CTNNA2: variants seen among roughly 807,000 people sequenced by gnomAD.
The protein encoded by CTNNA2 is catenin alpha 2, also known as catenin alpha-2.
CTNNA2 carries 42 observed loss-of-function variants against 101.0 expected under a neutral mutation model. That is an observed-to-expected ratio of 0.42 (90% confidence interval 0.32 to 0.54). The LOEUF is 0.54. Among genes scored for constraint, CTNNA2 ranks in the 20% least tolerant of loss-of-function variants. CTNNA2 has a pLI of 0.14. For missense variants in CTNNA2, 871 were observed against 1,223.1 expected (o/e 0.71, Z 4.29); for synonymous variants, 450 against 456.4 (o/e 0.99, Z 0.18).
chr2:80,383,857 C>T (rs555336583), intron 7 of CTNNA2, among the ~76,000 whole-genome samples: 1 of 152,194 alleles, frequency 6.6e-6, no homozygotes, highest in African/African-American at 2.4e-5. Context: ...ACCATAAAGA[C>T]ACACGTACTA....
chr2:80,619,852 G>A (rs963168638), intron 18 of CTNNA2, among the ~76,000 whole-genome samples: 1 of 151,844 alleles, frequency 6.6e-6, no homozygotes, highest in South Asian at 2.1e-4. Flanking sequence ...GTTGTTGCAC[G>A]TCCTAACCCT....
chr2:79,982,231 T>TAAC (rs1558697466), intron 7 of CTNNA2, among the ~76,000 whole-genome samples: 972 of 63,452 alleles, frequency 0.015, 90 homozygotes, highest in African/African-American at 0.053. Flanking sequence ...TATATATATA[T>TAAC]ATATATATAT....
chr2:79,639,039 C>T (rs561109263), intron 1 of CTNNA2, among the ~76,000 whole-genome samples: 9 of 152,292 alleles, frequency 5.9e-5, no homozygotes, highest in African/African-American at 2.2e-4. Context: ...GTTGCACAAA[C>T]TACTTAATAT....
At chr2:80,245,371 T>C (rs1216627041) in intron 7 of CTNNA2, among the ~76,000 whole-genome samples, 1 of 152,248 alleles carries the variant, frequency 6.6e-6, no homozygotes, top group Non-Finnish European at 1.5e-5. Flanking sequence ...GAAGTGGTTA[T>C]TAGTACTTTC....
At chr2:79,982,742 T>A (rs901888585) in intron 7 of CTNNA2, among the ~76,000 whole-genome samples, 9 of 152,160 alleles carry the variant, frequency 5.9e-5, no homozygotes, top group African/African-American at 2.2e-4. Flanking sequence ...GAAATTTTGC[T>A]TTCACCTATT....
intron 4 of CTNNA2, among the ~76,000 whole-genome samples, chr2:79,451,174 T>C (rs934942632): frequency 6.6e-6 from 1 of 152,122 alleles, no homozygotes; most frequent in African/African-American, 2.4e-5. Flanking sequence ...AACAAAACAC[T>C]ACTCAAGGAC....
At chr2:79,978,555 CTTTT>C (rs1318336613) in intron 7 of CTNNA2, among the ~76,000 whole-genome samples, 1 of 152,160 alleles carries the variant, frequency 6.6e-6, no homozygotes, top group Non-Finnish European at 1.5e-5. Flanking sequence ...TTGCCTTCAT[CTTTT>C]AGTCCAGAAT....
chr2:79,945,456 C>T (rs547997561), intron 7 of CTNNA2, among the ~76,000 whole-genome samples: 1 of 152,250 alleles, frequency 6.6e-6, no homozygotes, highest in Non-Finnish European at 1.5e-5. Flanking sequence ...TCAAACACAA[C>T]TACTTTTAAC....
At chr2:80,378,394 ATAAATAAAT>A (rs1188757105) in intron 7 of CTNNA2, among the ~76,000 whole-genome samples, 7 of 150,278 alleles carry the variant, frequency 4.7e-5, no homozygotes, top group Non-Finnish European at 1.5e-5. Flanking sequence ...AAATAAATAA[ATAAATAAAT>A]AAATAACAGA....
At chr2:79,962,395 C>T (rs1033462993) in intron 7 of CTNNA2, among the ~76,000 whole-genome samples, 1 of 152,222 alleles carries the variant, frequency 6.6e-6, no homozygotes, top group African/African-American at 2.4e-5. Flanking sequence ...AGGCATGCCT[C>T]TTAATACTGT....
chr2:80,215,999 T>A (rs1196640294), intron 7 of CTNNA2, among the ~76,000 whole-genome samples: 1 of 152,196 alleles, frequency 6.6e-6, no homozygotes, highest in Non-Finnish European at 1.5e-5. Flanking sequence ...CATCTTGCAG[T>A]TCTATCTCAG....
chr2:79,635,436 G>A (rs939978482), intron 1 of CTNNA2, among the ~76,000 whole-genome samples: 1 of 151,362 alleles, frequency 6.6e-6, no homozygotes, highest in African/African-American at 2.4e-5. Context: ...GCTGGACTCC[G>A]TCACAGAAAA....
At chr2:79,802,475 G>T (rs1458381482) in intron 3 of CTNNA2, among the ~76,000 whole-genome samples, 3 of 152,088 alleles carry the variant, frequency 2.0e-5, no homozygotes, top group African/African-American at 7.2e-5. Context: ...CCTTCCTGGG[G>T]CCCTGATGAT....
At chr2:80,255,295 A>T (rs1558945014) in intron 7 of CTNNA2, among the ~76,000 whole-genome samples, 1 of 152,142 alleles carries the variant, frequency 6.6e-6, no homozygotes, top group South Asian at 2.1e-4. Flanking sequence ...ACGTGTGATT[A>T]TCCCCATTTT....
chr2:79,755,884 C>G (rs1360655200), intron 3 of CTNNA2, among the ~76,000 whole-genome samples: 1 of 151,826 alleles, frequency 6.6e-6, no homozygotes, highest in Non-Finnish European at 1.5e-5. Flanking sequence ...CATACAATGA[C>G]AAAAAGACAA....
At chr2:80,325,058 G>A (rs896694115) in intron 7 of CTNNA2, among the ~76,000 whole-genome samples, 6 of 152,034 alleles carry the variant, frequency 3.9e-5, no homozygotes, top group Non-Finnish European at 7.4e-5. Context: ...ATGAGAACAG[G>A]GGTTTCAATG....
intron 4 of CTNNA2, among the ~76,000 whole-genome samples, chr2:79,442,682 T>C (rs1678789248): frequency 6.6e-6 from 1 of 152,204 alleles, no homozygotes; most frequent in Admixed American, 6.6e-5. Flanking sequence ...TTTTTTACCC[T>C]GATTATTAGG....
At chr2:79,481,855 G>A (rs1671113473) in intron 4 of CTNNA2, among the ~76,000 whole-genome samples, 1 of 152,178 alleles carries the variant, frequency 6.6e-6, no homozygotes, top group African/African-American at 2.4e-5. Context: ...CAACTCCAGA[G>A]TGGAGTCTGC....
At chr2:80,315,941 C>T (rs1678079038) in intron 7 of CTNNA2, among the ~76,000 whole-genome samples, 1 of 152,170 alleles carries the variant, frequency 6.6e-6, no homozygotes, top group Admixed American at 6.5e-5. Flanking sequence ...TCAGGCCCCA[C>T]CCAAGACCCA....
Sources: gnomAD v4.1 joint callset for allele counts (sites outside exome capture counted in the v4.1 genomes callset) on GRCh38, gnomAD v4.1.1 for gene constraint, MANE v1.5 for transcripts, NCBI Gene and HGNC (gene_info 2026-07-23, HGNC 2026-07-21) for gene names.